CNIH3: variants seen among roughly 807,000 people sequenced by gnomAD.
CNIH3 encodes cornichon family AMPA receptor auxiliary protein 3.
CNIH3 carries 14 observed loss-of-function variants against 24.1 expected under a neutral mutation model. That is an observed-to-expected ratio of 0.58 (90% CI 0.38 to 0.91). CNIH3 has a LOEUF of 0.91. CNIH3 is among the 40% of genes least tolerant of loss of function. CNIH3 has a pLI of 0.00. For missense variants in CNIH3, 178 were observed against 196.8 expected (o/e 0.90, Z 0.57); for synonymous variants, 68 against 73.8 (o/e 0.92, Z 0.40).
In CNIH3 at chr1:224,646,530, C is replaced by T. The variant is rs558948984; in HGVS notation, c.81+29275C>T. Among the ~76,000 whole-genome samples, 7 of 152,290 alleles carry T rather than the reference C, an allele frequency of 4.6e-5. No individual in the cohort carries two copies. In the South Asian group the frequency reaches 1.2e-3, roughly 27 times the overall value. ...TAGCAATCCTCCTACCTTAACCTCC[C>T]GAGTAGCTGGGACTACAGAGGTGTG... On this transcript the variant is annotated intron_variant, in intron 1 of 5. Coordinates refer to ENST00000272133, the MANE Select transcript of CNIH3 (RefSeq NM_152495.2).
intron 4 of CNIH3, chr1:224,574,446 A>G (rs1361011915): frequency 3.2e-6 from 2 of 621,996 alleles, no homozygotes; most frequent in African/African-American, 3.6e-5. Flanking sequence ...GGCCAGCCAC[A>G]TTGTGCTCAA....
At chr1:224,615,445 A>G (rs1004624362), upstream of CNIH3, 2 of 152,196 alleles carry the variant, frequency 1.3e-5, no homozygotes, top group South Asian at 4.1e-4. Context: ...AAAGGGTGCA[A>G]TTAATAATCC....
chr1:224,620,721 C>T (rs1027879732), intron 1 of CNIH3, among the ~76,000 whole-genome samples: 11 of 151,962 alleles, frequency 7.2e-5, no homozygotes, highest in African/African-American at 1.2e-4. Flanking sequence ...TGCATATGGC[C>T]GGGCTCAGTG....
intron 3 of CNIH3, among the ~76,000 whole-genome samples, chr1:224,701,490 G>A (rs1005037170): frequency 2.0e-5 from 3 of 151,980 alleles, no homozygotes; most frequent in Non-Finnish European, 2.9e-5. Flanking sequence ...TCCCATTCAC[G>A]AGGGCTCCAC....
intron 1 of CNIH3, among the ~76,000 whole-genome samples, chr1:224,652,610 G>T (rs1684910917): frequency 6.6e-6 from 1 of 152,128 alleles, no homozygotes; most frequent in African/African-American, 2.4e-5. Context: ...GGTGTTCCAG[G>T]TATGGCGAGC....
chr1:224,616,604 A>G lies in CNIH3; in HGVS notation c.-571A>G, dbSNP rs1302664171. On this transcript the variant is annotated 5_prime_UTR_variant, in exon 1 of 6. Transcript: ENST00000272133. ...GGGACCTACCTCCTCCCGGCTACCT[A>G]AAGACTCCTTCTCTCGGGAAAGAGC... 1.0e-6 allele frequency: 1 copy of G among 986,918 alleles called. No individual in the cohort carries two copies. Among genetic ancestry groups the G allele is most frequent in the South Asian group, 4.7e-5 (1 of 21,408 alleles). The allele number at this position is 986,918 out of a possible 1,614,324, so 61.1% of individuals were successfully genotyped here.
At chr1:224,462,470 A>G (rs1425866619) in intron 1 of CNIH3, among the ~76,000 whole-genome samples, 1 of 150,030 alleles carries the variant, frequency 6.7e-6, no homozygotes, top group Non-Finnish European at 1.5e-5. Context: ...AGTAGCTGGG[A>G]TTACAGGCAC....
chr1:224,483,121 G>A (rs1381495611), intron 1 of CNIH3, among the ~76,000 whole-genome samples: 6 of 152,166 alleles, frequency 3.9e-5, no homozygotes, highest in Admixed American at 1.3e-4. Context: ...GAGGGATGGT[G>A]TTGGCAATTC....
chr1:224,707,894 C>T (rs571025727), intron 3 of CNIH3, among the ~76,000 whole-genome samples: 14 of 152,250 alleles, frequency 9.2e-5, no homozygotes, highest in South Asian at 2.1e-4. Context: ...CATACCTTTC[C>T]CACCTCATCA....
intron 1 of CNIH3, among the ~76,000 whole-genome samples, chr1:224,453,445 C>T (rs144301185): frequency 2.7e-4 from 41 of 152,114 alleles, no homozygotes; most frequent in African/African-American, 7.7e-4. Flanking sequence ...ACTTTGGCCT[C>T]CCAAAGTGTT....
At chr1:224,502,480 A>T (rs1677716436) in intron 1 of CNIH3, among the ~76,000 whole-genome samples, 3 of 152,152 alleles carry the variant, frequency 2.0e-5, no homozygotes, top group Middle Eastern at 3.2e-3. Context: ...CGCTAAACCC[A>T]CTTTGCCTGT....
chr1:224,467,365 G>T (rs536108870), intron 1 of CNIH3, among the ~76,000 whole-genome samples: 17 of 152,140 alleles, frequency 1.1e-4, no homozygotes, highest in Admixed American at 9.8e-4. Context: ...AGCTTTCACA[G>T]AGCAAAATTT....
chr1:224,440,907 C>T (rs1249413938), intron 1 of CNIH3, among the ~76,000 whole-genome samples: 2 of 151,806 alleles, frequency 1.3e-5, no homozygotes, highest in African/African-American at 2.4e-5. Flanking sequence ...AGCTCTGCCT[C>T]CCGGGTTCAC....
chr1:224,632,275 G>A (rs12131256), intron 1 of CNIH3, among the ~76,000 whole-genome samples: 7,846 of 152,248 alleles, frequency 0.052, 266 homozygotes, highest in East Asian at 0.15. Flanking sequence ...CTGCAAACTG[G>A]AAGCCTTTAG....
Position 224,664,141 on chromosome 1 carries a change from C to T in CNIH3, c.82-16817C>T, listed in dbSNP as rs144941553. On this transcript the variant is annotated intron_variant, in intron 1 of 5. Transcript: ENST00000272133. Reference sequence around the variant, plus strand: ...TTATATAGTGGGGAAGGAATGCAACCGCATGCAGGAAAATGGGAATTAGGG... The same window carrying T: ...TTATATAGTGGGGAAGGAATGCAACTGCATGCAGGAAAATGGGAATTAGGG... Among the ~76,000 whole-genome samples the T allele has an allele frequency of 3.8e-3, 578 of 152,206 alleles. 2 individuals carry two copies. Among genetic ancestry groups the T allele is most frequent in the Non-Finnish European group, 6.9e-3 (466 of 68,028 alleles).
At chr1:224,615,295 A>AT (rs1423452402), upstream of CNIH3, 1 of 151,614 alleles carries the variant, frequency 6.6e-6, no homozygotes, top group East Asian at 1.9e-4. Context: ...CTTTCAGGGT[A>AT]TTTTTCCTTG....
downstream of CNIH3, among the ~76,000 whole-genome samples, chr1:224,538,274 GT>G (rs34672181): frequency 0.019 from 2,949 of 152,180 alleles, 107 homozygotes; most frequent in African/African-American, 0.066. Context: ...AAGTGGAAAA[GT>G]TTGTACCTTC....
chr1:224,653,098 AT>A (rs974284838), intron 1 of CNIH3, among the ~76,000 whole-genome samples: 8 of 152,188 alleles, frequency 5.3e-5, no homozygotes, highest in Non-Finnish European at 1.0e-4. Context: ...CTTGTCAACC[AT>A]TTTTTGGCTC....
chr1:224,529,478 T>C (rs1678977385), intron 2 of CNIH3: 1 of 152,186 alleles, frequency 6.6e-6, no homozygotes, highest in Non-Finnish European at 1.5e-5. Context: ...GCCGGGGGTT[T>C]TGATGTGACA....
Sources: gnomAD v4.1 joint callset for allele counts (sites outside exome capture counted in the v4.1 genomes callset) on GRCh38, gnomAD v4.1.1 for gene constraint, MANE v1.5 for transcripts, NCBI Gene and HGNC (gene_info 2026-07-23, HGNC 2026-07-21) for gene names.